ANKMY1: variants seen among roughly 807,000 people sequenced by gnomAD.
The protein encoded by ANKMY1 is ankyrin repeat and MYND domain-containing protein 1.
A neutral mutation model predicts 102.0 loss-of-function variants in ANKMY1; 98 were observed. The ratio of observed to expected loss-of-function variants is 0.96; its 90% confidence interval spans 0.82 to 1.14. The LOEUF (loss-of-function observed/expected upper bound fraction) is 1.14, where lower values mean the gene tolerates loss of function less well. Among genes scored for constraint, ANKMY1 ranks in the 50% most tolerant of loss-of-function variants. ANKMY1 has a pLI of 0.00. For missense variants in ANKMY1, 1,330 were observed against 1,347.6 expected (o/e 0.99, Z 0.20); for synonymous variants, 582 against 559.9 (o/e 1.04, Z -0.56).
downstream of ANKMY1, among the ~76,000 whole-genome samples, chr2:240,476,398 G>T (rs1236463149): frequency 6.6e-6 from 1 of 152,204 alleles, no homozygotes; most frequent in Admixed American, 6.5e-5. Flanking sequence ...CTGCTCAAAA[G>T]ATGCCAACTG....
intron 9 of ANKMY1, among the ~76,000 whole-genome samples, chr2:240,517,172 G>T (rs983079778): frequency 6.6e-6 from 1 of 152,112 alleles, no homozygotes; most frequent in South Asian, 2.1e-4. Context: ...ATTCTCCCAG[G>T]GCTTTGACTG....
downstream of ANKMY1, chr2:240,479,386 T>C (rs2075079867): frequency 1.6e-6 from 1 of 614,972 alleles, no homozygotes; most frequent in African/African-American, 1.8e-5. Context: ...ACAAAAGCTC[T>C]GGGACTTTGC....
rs963525426 is a variant in ANKMY1, at chr2:240,543,193, C to CA, written c.480+9720dup. On this transcript the variant is annotated intron_variant, in intron 4 of 17. Transcript: ENST00000401804. ...TGAAACCCCGTCTCTACTAAAAATG[C>CA]AAAAAAAAAATTAGCCGGGTGTGGT... is the stretch of plus-strand genomic sequence containing the variant. Among the ~76,000 whole-genome samples the CA allele has an allele frequency of 5.0e-4, 73 of 147,102 alleles. 1 individual carries two copies. In the East Asian group the frequency reaches 0.011, roughly 22 times the overall value.
intron 13 of ANKMY1, among the ~76,000 whole-genome samples, chr2:240,503,510 G>T (rs1015626038): frequency 2.0e-5 from 3 of 152,174 alleles, no homozygotes; most frequent in Admixed American, 6.5e-5. Context: ...AGGGAGTCAG[G>T]GGGGCCCAGG....
chr2:240,517,487 G>A (rs192054686), intron 9 of ANKMY1, among the ~76,000 whole-genome samples: 294 of 152,184 alleles, frequency 1.9e-3, no homozygotes, highest in African/African-American at 6.7e-3. Context: ...AAATATTCCC[G>A]CAAAGCCAAC....
chr2:240,504,760 A>G (rs2078769625), intron 13 of ANKMY1, among the ~76,000 whole-genome samples: 1 of 151,976 alleles, frequency 6.6e-6, no homozygotes, highest in South Asian at 2.1e-4. Flanking sequence ...TAATCCCAGC[A>G]CTTTGGGAGG....
chr2:240,558,174 C>A (rs13005068), upstream of ANKMY1: 23,586 of 162,236 alleles, frequency 0.15, 2,703 homozygotes, highest in East Asian at 0.64. Flanking sequence ...CCCGGTCAGC[C>A]CCTGGGCCGA....
intron 5 of ANKMY1, chr2:240,527,863 G>A (rs926639528): frequency 7.7e-6 from 1 of 130,094 alleles, no homozygotes; most frequent in Non-Finnish European, 1.7e-5. Flanking sequence ...GATTGGGTGG[G>A]TGGATGGATT....
At chr2:240,478,526 G>T (rs193301062), downstream of ANKMY1, among the ~76,000 whole-genome samples, 1 of 152,136 alleles carries the variant, frequency 6.6e-6, no homozygotes, top group African/African-American at 2.4e-5. Flanking sequence ...CCTCCCAGGG[G>T]CAGCCTGTGG....
upstream of ANKMY1, chr2:240,559,971 C>T (rs2092804135): frequency 6.6e-6 from 1 of 152,352 alleles, no homozygotes; most frequent in Admixed American, 6.5e-5. Flanking sequence ...ATGGCAATTT[C>T]ATGGACATTA....
rs1439237984 is a variant in ANKMY1, at chr2:240,500,553, T to C, written c.2539A>G (p.Ile847Val). 3 of 1,614,020 alleles carry C rather than the reference T, an allele frequency of 1.9e-6. No individual in the cohort carries two copies. The highest frequency in any genetic ancestry group is 2.2e-5 in the South Asian group (2 of 91,072). ...TTCAGGATGTCGGCCCCGTGACTGA[T>C]GAGTCGGTCAATCTGTGGAGAACAG... is the stretch of plus-strand genomic sequence containing the variant. ...DSKLALIDRL[I>V]SHGADILKPV... is the part of the protein sequence containing the mutation. Residue 847 changes from isoleucine to valine, a missense_variant, in exon 14 of 18, where the codon ATC becomes GTC. Transcript: ENST00000401804.
chr2:240,492,624 C>G (rs538348565), intron 15 of ANKMY1, among the ~76,000 whole-genome samples: 122 of 152,130 alleles, frequency 8.0e-4, no homozygotes, highest in African/African-American at 2.9e-3. Context: ...AATTGTTTTT[C>G]TAATTTATTT....
At chr2:240,471,568 A>G in the ANKMY1 span, among the ~76,000 whole-genome samples, 1 of 152,326 alleles carries the variant, frequency 6.6e-6, no homozygotes, top group East Asian at 1.9e-4. Flanking sequence ...GGATAGAACA[A>G]TTCCATTTTT....
In ANKMY1 at chr2:240,520,194, C is replaced by A; in HGVS notation, c.2004+168G>T. 1 of 976,170 alleles carries A rather than the reference C, an allele frequency of 1.0e-6. No homozygotes were observed. The highest frequency in any genetic ancestry group is 1.6e-6 in the Non-Finnish European group (1 of 623,602). The allele number at this position is 976,170 out of a possible 1,614,324, so 60.5% of individuals were successfully genotyped here. On this transcript the variant is annotated intron_variant, in intron 9 of 17. Coordinates refer to ENST00000401804, the MANE Select transcript of ANKMY1 (RefSeq NM_001282771.3). This position sits in a 1 kb window ranked among gnomAD's most constrained non-coding sequence, Gnocchi z 4.8. ...CTGTCTGGGGACATGGGTGAAAGAG[C>A]GGGCTGTGGGACCCCCCACTGCGGC... is the stretch of plus-strand genomic sequence containing the variant.
chr2:240,558,308 C>T (rs2092638785), upstream of ANKMY1: 1 of 152,328 alleles, frequency 6.6e-6, no homozygotes, highest in Non-Finnish European at 1.5e-5. Flanking sequence ...GATCACCTAG[C>T]ACGTGGAGCC....
intron 14 of ANKMY1, 132 bp downstream of exon 14, chr2:240,500,320 C>A (rs1227449986): frequency 8.5e-7 from 1 of 1,176,356 alleles, no homozygotes; most frequent in Non-Finnish European, 1.2e-6. Context: ...CCTCTGCAGC[C>A]AAGGGGCTGC....
At chr2:240,552,422 C>T (rs545147279) in intron 4 of ANKMY1, among the ~76,000 whole-genome samples, 1 of 152,130 alleles carries the variant, frequency 6.6e-6, no homozygotes, top group South Asian at 2.1e-4. Flanking sequence ...TTACAAAGGC[C>T]ATGGCAATAT....
At chr2:240,500,288 G>A (rs540979432) in intron 14 of ANKMY1, among the ~76,000 whole-genome samples, 164 bp downstream of exon 14, 9 of 152,288 alleles carry the variant, frequency 5.9e-5, no homozygotes, top group African/African-American at 2.2e-4. Flanking sequence ...CCTGGCATGA[G>A]CTCAGCACTT....
upstream of ANKMY1, chr2:240,560,681 C>T (rs1358908559): frequency 6.6e-7 from 1 of 1,514,490 alleles, no homozygotes; most frequent in South Asian, 1.2e-5. Context: ...CTTCGGCGGG[C>T]GCCATGGGAC....
Sources: gnomAD v4.1 joint callset for allele counts (sites outside exome capture counted in the v4.1 genomes callset) on GRCh38, gnomAD v4.1.1 for gene constraint, Gnocchi (gnomAD v3.1) non-coding constraint, MANE v1.5 for transcripts, NCBI Gene and HGNC (gene_info 2026-07-23, HGNC 2026-07-21) for gene names.